The following ABTB3 variants were observed in gnomAD, a reference collection of about 807,000 sequenced individuals.
ABTB3 encodes the protein ankyrin repeat and BTB domain containing 3, also known as ankyrin repeat- and BTB/POZ domain-containing protein 3.
the ABTB3 span, among the ~76,000 whole-genome samples, chr12:107,602,743 T>G: frequency 1.3e-5 from 2 of 152,170 alleles, no homozygotes; most frequent in Non-Finnish European, 2.9e-5. Context: ...CAGCTTGCAT[T>G]TGGCACTCAC....
the ABTB3 span, among the ~76,000 whole-genome samples, chr12:107,539,510 C>T: frequency 6.6e-6 from 1 of 152,158 alleles, no homozygotes; most frequent in African/African-American, 2.4e-5. Context: ...GATCTCAGTG[C>T]ACCCCAAAGG....
At chr12:107,363,738 G>A in the ABTB3 span, among the ~76,000 whole-genome samples, 3 of 152,116 alleles carry the variant, frequency 2.0e-5, no homozygotes, top group Non-Finnish European at 4.4e-5. Flanking sequence ...TACATGTCGT[G>A]ATAATTTTCT....
At chr12:107,469,956 CTTTCTTTCTTTCTTTCTTTCTTTCTT>C in the ABTB3 span, among the ~76,000 whole-genome samples, 2 of 67,158 alleles carry the variant, frequency 3.0e-5, no homozygotes, top group Admixed American at 1.5e-4. Context: ...TTCTTTCTTT[CTTTCTTTCTTTCTTTCTTTCTTTCTT>C]TCTTTCTTTC....
At chr12:107,395,100 C>T in the ABTB3 span, among the ~76,000 whole-genome samples, 5 of 152,220 alleles carry the variant, frequency 3.3e-5, no homozygotes, top group African/African-American at 9.6e-5. Flanking sequence ...AGGACGTGCT[C>T]CTTTTGTCCT....
chr12:107,378,012 G>A, the ABTB3 span, among the ~76,000 whole-genome samples: 11 of 152,242 alleles, frequency 7.2e-5, no homozygotes, highest in East Asian at 1.9e-4. Flanking sequence ...CATGCAAAGC[G>A]AAAAAGTGGG....
chr12:107,444,052 C>T, the ABTB3 span, among the ~76,000 whole-genome samples: 3 of 152,310 alleles, frequency 2.0e-5, no homozygotes, highest in East Asian at 5.8e-4. Flanking sequence ...ACCTCCCCCA[C>T]CTTGCAGTTC....
At chr12:107,577,039 G>A in the ABTB3 span, among the ~76,000 whole-genome samples, 7 of 152,158 alleles carry the variant, frequency 4.6e-5, no homozygotes, top group Admixed American at 6.5e-5. Context: ...AACTGAACAG[G>A]CTAATGGTAG....
chr12:107,608,238 T>A, the ABTB3 span, among the ~76,000 whole-genome samples: 199 of 152,266 alleles, frequency 1.3e-3, 2 homozygotes, highest in African/African-American at 4.5e-3. Context: ...CACTTCACAC[T>A]TTGGCAGTGG....
At chr12:107,388,632 G>A in the ABTB3 span, among the ~76,000 whole-genome samples, 1 of 151,358 alleles carries the variant, frequency 6.6e-6, no homozygotes, top group Non-Finnish European at 1.5e-5. Context: ...TCCTGCTGGA[G>A]GTCTGGGCCA....
At chr12:107,510,721 G>A in the ABTB3 span, among the ~76,000 whole-genome samples, 2 of 152,036 alleles carry the variant, frequency 1.3e-5, no homozygotes, top group Non-Finnish European at 2.9e-5. Context: ...AGGAGTTTGA[G>A]GCCAGCCTGG....
At chr12:107,512,753 A>C in the ABTB3 span, among the ~76,000 whole-genome samples, 1 of 152,340 alleles carries the variant, frequency 6.6e-6, no homozygotes, top group Middle Eastern at 3.4e-3. Context: ...AACATCTCTA[A>C]GTTTTATTGC....
the ABTB3 span, among the ~76,000 whole-genome samples, chr12:107,425,058 C>T: frequency 1.3e-5 from 2 of 152,156 alleles, no homozygotes. Context: ...CCCTCGATTG[C>T]CTGCCATGGC....
chr12:107,496,242 G>T, the ABTB3 span, among the ~76,000 whole-genome samples: 1 of 151,998 alleles, frequency 6.6e-6, no homozygotes, highest in Admixed American at 6.6e-5. Context: ...TTATCTCCAG[G>T]TACACCCTGT....
At chr12:107,579,975 G>A in the ABTB3 span, among the ~76,000 whole-genome samples, 1 of 152,178 alleles carries the variant, frequency 6.6e-6, no homozygotes, top group Admixed American at 6.5e-5. Flanking sequence ...TCTGGATATA[G>A]AGCCAGATGA....
At chr12:107,465,976 G>A in the ABTB3 span, among the ~76,000 whole-genome samples, 1 of 152,252 alleles carries the variant, frequency 6.6e-6, no homozygotes, top group East Asian at 1.9e-4. Context: ...ATCCAGCATC[G>A]TGCTAGAGGC....
the ABTB3 span, among the ~76,000 whole-genome samples, chr12:107,439,699 A>G: frequency 0.013 from 2,006 of 152,256 alleles, 47 homozygotes; most frequent in African/African-American, 0.045. Flanking sequence ...TGATTGACAT[A>G]TGAAAAGCTG....
the ABTB3 span, among the ~76,000 whole-genome samples, chr12:107,419,722 T>G: frequency 6.6e-6 from 1 of 152,324 alleles, no homozygotes; most frequent in South Asian, 2.1e-4. Flanking sequence ...TACTTAGACC[T>G]GGCATAGGAA....
At chr12:107,509,183 A>C in the ABTB3 span, among the ~76,000 whole-genome samples, 2 of 152,188 alleles carry the variant, frequency 1.3e-5, no homozygotes, top group Non-Finnish European at 2.9e-5. Flanking sequence ...TCTGTGGGAA[A>C]GTTGCAATGA....
the ABTB3 span, among the ~76,000 whole-genome samples, chr12:107,583,069 CA>C: frequency 6.6e-6 from 1 of 152,328 alleles, no homozygotes; most frequent in South Asian, 2.1e-4. Context: ...ATCAACTGTG[CA>C]AACTTGGGCA....
Sources: gnomAD v4.1 joint callset for allele counts (sites outside exome capture counted in the v4.1 genomes callset) on GRCh38, gnomAD v4.1.1 for gene constraint, MANE v1.5 for transcripts, NCBI Gene and HGNC (gene_info 2026-07-23, HGNC 2026-07-21) for gene names.